GPHN: variants seen among roughly 807,000 people sequenced by gnomAD.
GPHN encodes gephyrin.
In GPHN, 17 loss-of-function variants were observed where a neutral mutation model predicts 95.5. The ratio of observed to expected loss-of-function variants is 0.18; its 90% confidence interval spans 0.12 to 0.27. The LOEUF is 0.27. Ranked by LOEUF, GPHN falls within the 10% of genes least tolerant of loss-of-function variation. The pLI, the probability that GPHN is intolerant of heterozygous loss-of-function variation, is 1.00. For missense variants in GPHN, 660 were observed against 978.1 expected (o/e 0.67, Z 4.34); for synonymous variants, 320 against 322.5 (o/e 0.99, Z 0.08).
the GPHN span, among the ~76,000 whole-genome samples, chr14:67,230,120 G>A: frequency 1.1e-4 from 16 of 152,092 alleles, no homozygotes; most frequent in African/African-American, 3.6e-4. Flanking sequence ...TTTTACTTTT[G>A]TTCACTTGGG....
the GPHN span, among the ~76,000 whole-genome samples, chr14:67,402,611 C>T: frequency 6.6e-6 from 1 of 152,180 alleles, no homozygotes; most frequent in Non-Finnish European, 1.5e-5. Flanking sequence ...GGTAACCATC[C>T]TTCTACTCTC....
At chr14:67,397,776 G>A in the GPHN span, 1 of 1,613,360 alleles carries the variant, frequency 6.2e-7, no homozygotes, top group Non-Finnish European at 8.5e-7. Flanking sequence ...ACACCAGCGT[G>A]TTCTGCCGAA....
chr14:66,677,281 CTGATGTTTCCT>C (rs2066660909), intron 1 of GPHN, among the ~76,000 whole-genome samples: 1 of 151,990 alleles, frequency 6.6e-6, no homozygotes, highest in Non-Finnish European at 1.5e-5. Context: ...TACTTCTGCT[CTGATGTTTCCT>C]TCTTCTTATT....
intron 17 of GPHN, among the ~76,000 whole-genome samples, chr14:67,124,009 T>C (rs1455714250): frequency 7.6e-6 from 1 of 132,298 alleles, no homozygotes; most frequent in African/African-American, 2.7e-5. Context: ...TTCCTCCTGA[T>C]TTTTTTTTCT....
At position 66,508,310 on chromosome 14, in the gene GPHN, G is replaced by C; in HGVS notation, c.-218G>C. On this transcript the variant is annotated 5_prime_UTR_variant, in exon 1 of 23. Transcript: ENST00000478722. Reference sequence around the variant, plus strand: ...TGCCGGACTTGGGGCCGCGCGCCCTGACTCCTTCCCCTCCCGCGGACCCGC... The same window carrying C: ...TGCCGGACTTGGGGCCGCGCGCCCTCACTCCTTCCCCTCCCGCGGACCCGC... The C allele has an allele frequency of 5.0e-6, 3 of 600,176 alleles. No individual in the cohort carries two copies. The highest frequency in any genetic ancestry group is 5.6e-5 in the East Asian group (2 of 35,634). 37.2% of individuals were successfully genotyped at this position (600,176 alleles called of 1,614,324 possible). A position where few individuals can be genotyped will look rare whatever the true frequency, so the allele number is the denominator to read the frequency against.
intron 10 of GPHN, among the ~76,000 whole-genome samples, chr14:67,055,514 A>G (rs2075518877): frequency 1.3e-5 from 2 of 152,192 alleles, no homozygotes; most frequent in Admixed American, 6.5e-5. Flanking sequence ...AAGACCTAGA[A>G]CTAGATATAC....
chr14:66,847,694 G>A (rs2062393104), intron 4 of GPHN, among the ~76,000 whole-genome samples: 1 of 152,062 alleles, frequency 6.6e-6, no homozygotes, highest in African/African-American at 2.4e-5. Flanking sequence ...ACCTTGCAAA[G>A]GATATGGCTG....
chr14:67,335,335 T>C, the GPHN span: 3 of 152,246 alleles, frequency 2.0e-5, no homozygotes, highest in Non-Finnish European at 2.9e-5. Flanking sequence ...ACAGCCACTC[T>C]GGCCAATTCC....
chr14:66,698,975 T>A lies in GPHN; in HGVS notation c.143+17790T>A, dbSNP rs113970159. Among the ~76,000 whole-genome samples, 554 of 152,346 alleles carry A rather than the reference T, an allele frequency of 3.6e-3. 12 individuals carry two copies. Among genetic ancestry groups the A allele is most frequent in the African/African-American group, 0.013 (528 of 41,586 alleles). On this transcript the variant is annotated intron_variant, in intron 2 of 22. Transcript: ENST00000478722. ...TTTGACTGTCTTTACAGAAAAAGTT[T>A]ATTGACCCGTGGTGTAGATAAGAAA...
At chr14:66,526,040 G>C (rs577661119) in intron 1 of GPHN, among the ~76,000 whole-genome samples, 1 of 151,824 alleles carries the variant, frequency 6.6e-6, no homozygotes, top group Non-Finnish European at 1.5e-5. Flanking sequence ...GTCAATGGTA[G>C]CTTGATGAGG....
the GPHN span, among the ~76,000 whole-genome samples, chr14:67,640,517 G>A: frequency 6.6e-6 from 1 of 152,152 alleles, no homozygotes; most frequent in African/African-American, 2.4e-5. Flanking sequence ...GCTTTGGATT[G>A]AGTTTGGGTT....
chr14:67,594,974 A>G, the GPHN span, among the ~76,000 whole-genome samples: 1 of 151,816 alleles, frequency 6.6e-6, no homozygotes, highest in East Asian at 2.0e-4. Flanking sequence ...CGTCTCTACT[A>G]AAAATACTAA....
At chr14:66,979,905 A>G (rs1445811478) in intron 9 of GPHN, among the ~76,000 whole-genome samples, 5 of 152,082 alleles carry the variant, frequency 3.3e-5, no homozygotes, top group Non-Finnish European at 7.3e-5. Context: ...TTTCAATATT[A>G]TTATGTCTCA....
chr14:66,520,780 G>A (rs957340573), intron 1 of GPHN, among the ~76,000 whole-genome samples: 2 of 151,844 alleles, frequency 1.3e-5, no homozygotes, highest in Admixed American at 1.3e-4. Context: ...TGTCAGAGGG[G>A]TTGTTTTACA....
chr14:67,014,392 A>G (rs1424821642), intron 9 of GPHN, among the ~76,000 whole-genome samples: 2 of 152,078 alleles, frequency 1.3e-5, no homozygotes, highest in African/African-American at 2.4e-5. Context: ...AAATCTAGAC[A>G]GTTTTTTTCC....
At chr14:67,557,203 G>A in the GPHN span, 7 of 1,413,580 alleles carry the variant, frequency 5.0e-6, no homozygotes, top group East Asian at 2.3e-5. Context: ...CCCATCCCAC[G>A]TTACTGGCCA....
intron 1 of GPHN, among the ~76,000 whole-genome samples, chr14:66,555,246 A>G (rs187853541): frequency 3.9e-5 from 6 of 152,358 alleles, no homozygotes; most frequent in Admixed American, 2.6e-4. Flanking sequence ...TATAACATAC[A>G]TATTTACTTA....
chr14:67,053,218 TAGCTAG>T (rs2075392690), intron 10 of GPHN, among the ~76,000 whole-genome samples: 1 of 140,366 alleles, frequency 7.1e-6, no homozygotes, highest in Non-Finnish European at 1.5e-5. Flanking sequence ...AATAGACTAC[TAGCTAG>T]ACTAATAAGG....
At chr14:66,859,583 G>A (rs890123532) in intron 4 of GPHN, among the ~76,000 whole-genome samples, 11 of 152,098 alleles carry the variant, frequency 7.2e-5, no homozygotes, top group African/African-American at 2.4e-4. Flanking sequence ...ACATCTACAA[G>A]TATCACGATC....
Sources: gnomAD v4.1 joint callset for allele counts (sites outside exome capture counted in the v4.1 genomes callset) on GRCh38, gnomAD v4.1.1 for gene constraint, MANE v1.5 for transcripts, NCBI Gene and HGNC (gene_info 2026-07-23, HGNC 2026-07-21) for gene names.